Variants in RIMBP2 observed in about 807,000 individuals in gnomAD.
RIMBP2 encodes the protein RIMS binding protein 2, also known as RIMS-binding protein 2.
RIMBP2 carries 48 observed loss-of-function variants against 118.6 expected under a neutral mutation model. The ratio of observed to expected loss-of-function variants is 0.40; its 90% CI spans 0.32 to 0.51. The LOEUF (loss-of-function observed/expected upper bound fraction) is 0.51, where lower values mean the gene tolerates loss of function less well. RIMBP2 is among the 20% of genes least tolerant of loss of function. The probability of loss-of-function intolerance (pLI) is 0.41; values close to 1 mark genes in which losing one functional copy is unlikely to be tolerated. For synonymous variants in RIMBP2, 762 were observed against 742.9 expected (o/e 1.03, Z -0.42); for missense variants, 1,551 against 1,768.3 (o/e 0.88, Z 2.20).
chr12:130,628,165 A>T (rs11061042), intron 2 of RIMBP2, among the ~76,000 whole-genome samples, 157 bp downstream of exon 2: 28,533 of 152,170 alleles, frequency 0.19, 2,903 homozygotes, highest in African/African-American at 0.25. Flanking sequence ...TAAGGAACAC[A>T]TCTGCTCTGT....
rs1024050523 is a variant in RIMBP2, at chr12:130,623,665, T to C, written c.-217+4657A>G. ...CTCAACTCCATGCACACCAAGCTGG[T>C]TACCACCAACACCTGCATTTCTGTG... On this transcript the variant is annotated intron_variant, in intron 2 of 22. Coordinates refer to ENST00000690449, the MANE Select transcript of RIMBP2 (RefSeq NM_001393629.1). This position sits in a 1 kb window ranked among gnomAD's most constrained non-coding sequence, Gnocchi z 4.1. Among the ~76,000 whole-genome samples the C allele has an allele frequency of 1.4e-4, 22 of 152,274 alleles. No homozygotes were observed. The highest frequency in any genetic ancestry group is 1.4e-3 in the Admixed American group (21 of 15,292).
intron 1 of RIMBP2, among the ~76,000 whole-genome samples, chr12:130,671,132 C>T (rs11061071): frequency 0.23 from 35,523 of 152,096 alleles, 4,606 homozygotes; most frequent in Non-Finnish European, 0.31. Context: ...CGTTTCCTAC[C>T]ATGAGCACAG....
chr12:130,598,467 G>A (rs1384331776), intron 2 of RIMBP2, among the ~76,000 whole-genome samples: 1 of 152,234 alleles, frequency 6.6e-6, no homozygotes, highest in East Asian at 1.9e-4. Flanking sequence ...AGTGGCTCAT[G>A]CCTGTCATTC....
In RIMBP2 at chr12:130,436,976, G is replaced by C. The variant is rs368459899; in HGVS notation, c.1972C>G (p.Pro658Ala). The change falls in exon 13 of 23, where the codon CCG becomes GCG. Residue 658 changes from proline (P) to alanine (A), a missense_variant. Coordinates refer to ENST00000690449, the MANE Select transcript of RIMBP2 (RefSeq NM_001393629.1). ...GACCGCCTTCCGGGGCCCACGGGCGGCTCCAGCATGTGCCCATGCACAGGG... is the reference window on the plus strand; with the variant it reads ...GACCGCCTTCCGGGGCCCACGGGCGCCTCCAGCATGTGCCCATGCACAGGG... ...PGPVHGHMLE[P>A]PVGPGRRSPS... 6.2e-7 allele frequency: 1 copy of C among 1,609,168 alleles called. No individual in the cohort carries two copies. Among genetic ancestry groups the C allele is most frequent in the African/African-American group, 1.3e-5 (1 of 75,022 alleles).
intron 1 of RIMBP2, among the ~76,000 whole-genome samples, chr12:130,694,470 T>A (rs2065478813): frequency 1.3e-5 from 2 of 152,226 alleles, no homozygotes; most frequent in Non-Finnish European, 1.5e-5. Context: ...CTGCTGCTCG[T>A]GATCTCACCC....
chr12:130,439,925 CTG>C (rs2077976257), intron 11 of RIMBP2, among the ~76,000 whole-genome samples: 1 of 146,156 alleles, frequency 6.8e-6, no homozygotes, highest in Non-Finnish European at 1.5e-5. Flanking sequence ...GTGGGGGTGT[CTG>C]TGGGTGTGTG....
intron 1 of RIMBP2, among the ~76,000 whole-genome samples, chr12:130,706,281 T>C (rs1322979102): frequency 6.6e-6 from 1 of 152,230 alleles, no homozygotes; most frequent in Non-Finnish European, 1.5e-5. Context: ...ACTAAGCACT[T>C]TTCCCCAGTG....
intron 11 of RIMBP2, among the ~76,000 whole-genome samples, chr12:130,440,694 G>A (rs576690181): frequency 1.8e-4 from 27 of 152,300 alleles, no homozygotes; most frequent in African/African-American, 5.3e-4. Context: ...GATCAACTCC[G>A]GGCAGTTGGG....
chr12:130,492,315 T>G (rs1207772300), intron 4 of RIMBP2, among the ~76,000 whole-genome samples: 6 of 152,166 alleles, frequency 3.9e-5, no homozygotes, highest in Admixed American at 3.9e-4. Context: ...GAAGTCACAC[T>G]CATTAAGAAT....
chr12:130,503,370 T>C (rs1484674776), intron 4 of RIMBP2, among the ~76,000 whole-genome samples: 2 of 151,072 alleles, frequency 1.3e-5, no homozygotes, highest in African/African-American at 2.4e-5. Context: ...CACTCCAGCC[T>C]GGGTGACAGA....
intron 13 of RIMBP2, 72 bp downstream of exon 13, chr12:130,436,768 TGG>T: frequency 8.2e-7 from 1 of 1,213,230 alleles, no homozygotes. Flanking sequence ...CTCCATGGGC[TGG>T]GGAGATTACA....
intron 9 of RIMBP2, among the ~76,000 whole-genome samples, chr12:130,448,721 G>T (rs1273247664): frequency 6.6e-6 from 1 of 152,248 alleles, no homozygotes; most frequent in East Asian, 1.9e-4. Context: ...CAGATGAGCG[G>T]ATGGTGGGCC....
intron 2 of RIMBP2, among the ~76,000 whole-genome samples, chr12:130,594,585 G>T (rs982502561): frequency 4.6e-5 from 7 of 152,156 alleles, no homozygotes; most frequent in African/African-American, 1.7e-4. Context: ...AAATCTCATA[G>T]TGTTTTAAGA....
chr12:130,584,644 C>T (rs1254922237), intron 2 of RIMBP2, among the ~76,000 whole-genome samples: 2 of 107,990 alleles, frequency 1.9e-5, no homozygotes, highest in Non-Finnish European at 3.7e-5. Flanking sequence ...ATCACCTCAT[C>T]ACCATCACCT....
chr12:130,547,686 C>T (rs918589822), intron 2 of RIMBP2, among the ~76,000 whole-genome samples: 5 of 152,192 alleles, frequency 3.3e-5, no homozygotes, highest in African/African-American at 1.2e-4. Context: ...GATCAGGACA[C>T]GGCTGCATCA....
chr12:130,437,511 A>G (rs2077620870), intron 12 of RIMBP2, among the ~76,000 whole-genome samples: 1 of 152,192 alleles, frequency 6.6e-6, no homozygotes, highest in African/African-American at 2.4e-5. Context: ...AATCAGTGGT[A>G]GAGGGTTCCG....
At chr12:130,705,555 C>T (rs1179304263) in intron 1 of RIMBP2, among the ~76,000 whole-genome samples, 3 of 152,244 alleles carry the variant, frequency 2.0e-5, no homozygotes, top group African/African-American at 7.2e-5. Context: ...AAACGCTCTT[C>T]CTGACCAGCT....
intron 1 of RIMBP2, among the ~76,000 whole-genome samples, chr12:130,705,665 T>C (rs1302255482): frequency 6.6e-6 from 1 of 152,254 alleles, no homozygotes; most frequent in Non-Finnish European, 1.5e-5. Flanking sequence ...TCTCTCCTTC[T>C]GTGACGCTGG....
Position 130,438,354 on chromosome 12 carries a change from CG to C in RIMBP2, c.1656+10del. The C allele has an allele frequency of 4.8e-6, 5 of 1,037,362 alleles. No individual in the cohort carries two copies. Among genetic ancestry groups the C allele is most frequent in the Admixed American group, 1.9e-5 (1 of 51,552 alleles). The allele number at this position is 1,037,362 out of a possible 1,614,324, so 64.3% of individuals were successfully genotyped here. A position where few individuals can be genotyped will look rare whatever the true frequency, so the allele number is the denominator to read the frequency against. On this transcript the variant is annotated intron_variant, in intron 12 of 22. Coordinates refer to ENST00000690449, the MANE Select transcript of RIMBP2 (RefSeq NM_001393629.1). ...TAACAAACCCTCCCCACCCACCCAA[CG>C]AAAACTCACCCTCTGCCCTTTGGCA...
Sources: allele counts gnomAD v4.1 joint callset (sites outside exome capture counted in the v4.1 genomes callset), GRCh38; gene constraint gnomAD v4.1.1; non-coding constraint Gnocchi (gnomAD v3.1); transcripts MANE v1.5; gene names NCBI Gene and HGNC (gene_info 2026-07-23, HGNC 2026-07-21).